CNTN5: variants seen among roughly 807,000 people sequenced by gnomAD.
The protein encoded by CNTN5 is contactin 5, also known as contactin-5.
CNTN5 carries 77 observed loss-of-function variants against 129.1 expected under a neutral mutation model. That is an observed-to-expected ratio of 0.60 (90% confidence interval 0.50 to 0.72). CNTN5 has a LOEUF of 0.72. CNTN5 is among the 30% of genes least tolerant of loss of function. The pLI, the probability that CNTN5 is intolerant of heterozygous loss-of-function variation, is 0.00. For missense variants in CNTN5, 1,478 were observed against 1,328.8 expected, an observed-to-expected ratio of 1.11 and a Z score of -1.75; for synonymous variants, 509 against 465.6, an observed-to-expected ratio of 1.09 and a Z score of -1.20.
chr11:100,227,947 G>A (rs1213912242), intron 16 of CNTN5, among the ~76,000 whole-genome samples: 3 of 152,032 alleles, frequency 2.0e-5, no homozygotes, highest in South Asian at 2.1e-4. Context: ...CAAACACAAA[G>A]TAAAAGACTC....
At chr11:100,084,015 G>A (rs1363328099) in intron 13 of CNTN5, among the ~76,000 whole-genome samples, 1 of 143,468 alleles carries the variant, frequency 7.0e-6, no homozygotes, top group Non-Finnish European at 1.5e-5. Context: ...GAACAAGTCT[G>A]GTTTGTTGTA....
chr11:99,746,486 C>CTGGGCAGCACAGCAGGAGG (rs778109563), intron 3 of CNTN5, among the ~76,000 whole-genome samples: 69 of 152,174 alleles, frequency 4.5e-4, no homozygotes, highest in Non-Finnish European at 9.0e-4. Context: ...CTGTTAGGAA[C>CTGGGCAGCACAGCAGGAGG]TGGGCAGCAC....
At chr11:99,063,861 T>C (rs761600535) in intron 1 of CNTN5, among the ~76,000 whole-genome samples, 5 of 152,142 alleles carry the variant, frequency 3.3e-5, no homozygotes, top group Non-Finnish European at 5.9e-5. Flanking sequence ...ACTGAGAAAG[T>C]AACCTCTACT....
At chr11:99,083,296 C>T (rs1002755527) in intron 1 of CNTN5, among the ~76,000 whole-genome samples, 2 of 152,034 alleles carry the variant, frequency 1.3e-5, no homozygotes, top group South Asian at 4.1e-4. Context: ...GTATTATTCA[C>T]ACATGTGTCC....
intron 18 of CNTN5, among the ~76,000 whole-genome samples, chr11:100,276,979 C>T (rs992356700): frequency 1.3e-5 from 2 of 151,994 alleles, no homozygotes; most frequent in African/African-American, 4.8e-5. Context: ...ACCAACTACA[C>T]TTCCCAGCCT....
intron 1 of CNTN5, among the ~76,000 whole-genome samples, chr11:99,299,117 A>C (rs1338865199): frequency 3.3e-5 from 5 of 152,168 alleles, no homozygotes; most frequent in Non-Finnish European, 7.4e-5. Flanking sequence ...CAACATAAAC[A>C]AAATACAAGA....
intron 1 of CNTN5, among the ~76,000 whole-genome samples, chr11:99,235,345 C>A (rs1174680499): frequency 2.6e-5 from 4 of 152,028 alleles, no homozygotes; most frequent in African/African-American, 4.8e-5. Flanking sequence ...TATACTTTAT[C>A]CTTACATGTA....
At chr11:100,046,843 A>T (rs1591126458) in intron 9 of CNTN5, among the ~76,000 whole-genome samples, 1 of 152,184 alleles carries the variant, frequency 6.6e-6, no homozygotes, top group Admixed American at 6.6e-5. Flanking sequence ...GCATTGCAGG[A>T]ATGTGATCCC....
intron 17 of CNTN5, among the ~76,000 whole-genome samples, chr11:100,267,926 C>T (rs561231158): frequency 3.5e-4 from 54 of 152,146 alleles, no homozygotes; most frequent in Non-Finnish European, 5.9e-4. Context: ...AGCTTGGTGA[C>T]GCAGGTCACT....
intron 3 of CNTN5, among the ~76,000 whole-genome samples, chr11:99,793,303 C>A (rs1406522574): frequency 6.6e-6 from 1 of 152,204 alleles, no homozygotes; most frequent in Non-Finnish European, 1.5e-5. Context: ...TCGTGATCCA[C>A]CTGCCTCGGC....
chr11:99,844,010 C>T (rs1255807710), intron 4 of CNTN5, among the ~76,000 whole-genome samples: 1 of 152,170 alleles, frequency 6.6e-6, no homozygotes, highest in Non-Finnish European at 1.5e-5. Context: ...CTGACTTGGT[C>T]TAAAACTCAA....
intron 7 of CNTN5, among the ~76,000 whole-genome samples, chr11:99,942,190 C>G (rs1950454363): frequency 6.6e-6 from 1 of 151,810 alleles, no homozygotes; most frequent in Non-Finnish European, 1.5e-5. Flanking sequence ...ACCTGTATGC[C>G]ACGTTTGCAC....
chr11:99,292,901 A>C (rs1864229628), intron 1 of CNTN5, among the ~76,000 whole-genome samples: 1 of 152,152 alleles, frequency 6.6e-6, no homozygotes, highest in African/African-American at 2.4e-5. Flanking sequence ...TTTATCTTTT[A>C]ACTATTAAAG....
At chr11:99,365,620 GA>G (rs1252685072) in intron 2 of CNTN5, among the ~76,000 whole-genome samples, 1 of 152,096 alleles carries the variant, frequency 6.6e-6, no homozygotes, top group Non-Finnish European at 1.5e-5. Context: ...GTTATTATCT[GA>G]ACTGTAATTC....
chr11:99,680,168 A>G (rs1285688248), intron 3 of CNTN5, among the ~76,000 whole-genome samples: 1 of 151,698 alleles, frequency 6.6e-6, no homozygotes, highest in Admixed American at 6.6e-5. Flanking sequence ...GTTATCTGGG[A>G]CATCTATCTA....
intron 9 of CNTN5, among the ~76,000 whole-genome samples, chr11:100,043,806 CCTT>C (rs1220233195): frequency 6.6e-6 from 1 of 151,984 alleles, no homozygotes; most frequent in Non-Finnish European, 1.5e-5. Flanking sequence ...AATACTGTCT[CCTT>C]CTGTATTTGG....
rs977142190 is a variant in CNTN5, at chr11:99,275,162, A to G, written c.-209-50184A>G. Among the ~76,000 whole-genome samples, 18 of 151,370 alleles carry G rather than the reference A, an allele frequency of 1.2e-4. No individual in the cohort carries two copies. The East Asian group carries it at 3.3e-3, about 28-fold the overall frequency. ...AGCCTCATGAAATGCTGCCTCCTCTATTGACTTCATTGACAAGCCAAGTTC... is the reference window on the plus strand; with the variant it reads ...AGCCTCATGAAATGCTGCCTCCTCTGTTGACTTCATTGACAAGCCAAGTTC... On this transcript the variant is annotated intron_variant, in intron 1 of 24. Transcript: ENST00000524871.
intron 1 of CNTN5, 78 bp downstream of exon 1, chr11:99,021,348 GAC>G (rs2135048911): frequency 6.6e-6 from 1 of 152,238 alleles, no homozygotes; most frequent in African/African-American, 2.4e-5. Context: ...TAGGATTTTT[GAC>G]ACACTCTGTT....
At chr11:100,187,723 G>A (rs375841314) in intron 13 of CNTN5, among the ~76,000 whole-genome samples, 52 of 152,180 alleles carry the variant, frequency 3.4e-4, no homozygotes, top group African/African-American at 1.2e-3. Context: ...TGTTGGGATC[G>A]CTGACAAGTC....
Sources: allele counts gnomAD v4.1 joint callset (sites outside exome capture counted in the v4.1 genomes callset), GRCh38; gene constraint gnomAD v4.1.1; transcripts MANE v1.5; gene names NCBI Gene and HGNC (gene_info 2026-07-23, HGNC 2026-07-21).